The following ABCC4 variants were observed in gnomAD, a reference collection of about 807,000 sequenced individuals.
ABCC4 encodes the protein ATP binding cassette subfamily C member 4 (PEL blood group).
Under a neutral mutation model 168.5 loss-of-function variants are expected in ABCC4, and 102 were observed. The ratio of observed to expected loss-of-function variants is 0.61; its 90% confidence interval spans 0.52 to 0.71. ABCC4 has a LOEUF of 0.71. ABCC4 is among the 30% of genes least tolerant of loss of function. The pLI is 0.00. For missense variants in ABCC4, 1,402 were observed against 1,605.8 expected (o/e 0.87, Z 2.17); for synonymous variants, 617 against 590.7 (o/e 1.04, Z -0.65).
At chr13:95,229,794 T>C (rs908791019) in intron 4 of ABCC4, among the ~76,000 whole-genome samples, 1 of 152,132 alleles carries the variant, frequency 6.6e-6, no homozygotes, top group Non-Finnish European at 1.5e-5. Context: ...CAAGGGCAAA[T>C]GGGAGATCCA....
intron 20 of ABCC4, chr13:95,096,186 A>C (rs767716189): frequency 8.1e-4 from 527 of 647,420 alleles, no homozygotes; most frequent in Non-Finnish European, 1.3e-3. Context: ...ATCTCTATGA[A>C]AGAAAAAAAA....
At chr13:95,127,765 T>C (rs1189428) in intron 19 of ABCC4, among the ~76,000 whole-genome samples, 77,833 of 151,804 alleles carry the variant, frequency 0.51, 20,490 homozygotes, top group South Asian at 0.7. Flanking sequence ...TGTGCAATCA[T>C]TGACTTTCTT....
chr13:95,267,994 T>C (rs1339053551), intron 1 of ABCC4, among the ~76,000 whole-genome samples: 1 of 152,132 alleles, frequency 6.6e-6, no homozygotes, highest in East Asian at 1.9e-4. Flanking sequence ...TGGCTGGCAA[T>C]ACTCTGGGCA....
At chr13:95,234,225 CTA>C (rs1370875499) in intron 4 of ABCC4, among the ~76,000 whole-genome samples, 2 of 152,186 alleles carry the variant, frequency 1.3e-5, no homozygotes, top group Non-Finnish European at 2.9e-5. Flanking sequence ...ATAAATACAA[CTA>C]TGAGATTGAG....
chr13:95,088,070 G>C (rs538273143), intron 20 of ABCC4, among the ~76,000 whole-genome samples: 1 of 152,174 alleles, frequency 6.6e-6, no homozygotes, highest in East Asian at 1.9e-4. Flanking sequence ...GTTGGACTTC[G>C]GTTAGTGCTT....
At chr13:95,243,392 A>G (rs1302670430) in intron 3 of ABCC4, among the ~76,000 whole-genome samples, 1 of 152,238 alleles carries the variant, frequency 6.6e-6, no homozygotes, top group Non-Finnish European at 1.5e-5. Context: ...TTGATAAGTA[A>G]AAACAGGGAA....
intron 14 of ABCC4, among the ~76,000 whole-genome samples, chr13:95,166,826 A>G (rs2037288569): frequency 6.6e-6 from 1 of 152,196 alleles, no homozygotes. Flanking sequence ...CCTGCTGGAA[A>G]AAGGCGTGTG....
intron 11 of ABCC4, among the ~76,000 whole-genome samples, chr13:95,184,710 T>C (rs2038003489): frequency 6.6e-6 from 1 of 152,182 alleles, no homozygotes; most frequent in African/African-American, 2.4e-5. Flanking sequence ...TTCTAACCTG[T>C]CATAGAGAAA....
intron 30 of ABCC4, among the ~76,000 whole-genome samples, chr13:95,027,103 C>T (rs886133308): frequency 1.3e-5 from 2 of 152,038 alleles, no homozygotes; most frequent in African/African-American, 2.4e-5. Context: ...ATGTGCAGAA[C>T]GTGCAGGTTT....
intron 30 of ABCC4, among the ~76,000 whole-genome samples, chr13:95,026,463 G>A (rs1269973374): frequency 7.9e-5 from 12 of 151,848 alleles, no homozygotes; most frequent in Non-Finnish European, 1.0e-4. Flanking sequence ...GTAAAGAAGA[G>A]AATATAATCA....
chr13:95,208,602 GTATT>G (rs2038853555), intron 6 of ABCC4, among the ~76,000 whole-genome samples: 2 of 114,298 alleles, frequency 1.7e-5, no homozygotes, highest in African/African-American at 3.3e-5. Context: ...ATCAAAAGCT[GTATT>G]TCTTTTTTTT....
chr13:95,131,585 C>T (rs1226470520), intron 19 of ABCC4, among the ~76,000 whole-genome samples: 1 of 152,050 alleles, frequency 6.6e-6, no homozygotes, highest in African/African-American at 2.4e-5. Context: ...GCCGAGATCG[C>T]ACCACTGCAC....
At chr13:95,162,942 AACCTCTCTTCT>A (rs1294235154) in intron 18 of ABCC4, among the ~76,000 whole-genome samples, 169 bp downstream of exon 18, 4 of 152,242 alleles carry the variant, frequency 2.6e-5, no homozygotes, top group African/African-American at 9.6e-5. Context: ...GTCTTCAGTC[AACCTCTCTTCT>A]AGTAGATTTT....
chr13:95,161,276 G>A lies in ABCC4; in HGVS notation c.2368C>T (p.Leu790Phe), dbSNP rs2037090954. The change falls in exon 19 of 31, where the codon CTT becomes TTT. Residue 790 changes from leucine to phenylalanine, a missense_variant. By Grantham distance (22) the Leu-to-Phe change is conservative. Coordinates refer to ENST00000645237, the MANE Select transcript of ABCC4 (RefSeq NM_005845.5). ...IARSLLVFYVLVNSSQTLHNK... is the reference protein window; with the variant it reads ...IARSLLVFYVFVNSSQTLHNK... ...TGCAAAGTTTGTGAAGAGTTAACAA[G>A]GACGTAGAATACCAATAGAGATCTT... 5 of 1,609,940 alleles carry A rather than the reference G, an allele frequency of 3.1e-6. No individual in the cohort carries two copies. In the Middle Eastern group the frequency reaches 6.6e-4, roughly 213 times the overall value.
chr13:95,066,810 G>A (rs1389471552), intron 25 of ABCC4, among the ~76,000 whole-genome samples: 8 of 152,226 alleles, frequency 5.3e-5, no homozygotes, highest in African/African-American at 1.9e-4. Flanking sequence ...TTCCCTTGGT[G>A]TAGCTAGAAG....
intron 1 of ABCC4, among the ~76,000 whole-genome samples, chr13:95,253,034 T>C (rs1402740687): frequency 6.6e-6 from 1 of 152,218 alleles, no homozygotes; most frequent in Admixed American, 6.5e-5. Context: ...TAAATCTGAA[T>C]GCCTTTTATT....
At chr13:95,257,514 A>C (rs1362943108) in intron 1 of ABCC4, among the ~76,000 whole-genome samples, 1 of 152,116 alleles carries the variant, frequency 6.6e-6, no homozygotes, top group South Asian at 2.1e-4. Context: ...ATAAAAATAC[A>C]GAAAAATTAG....
At position 95,232,535 on chromosome 13, in the gene ABCC4, G is replaced by T. The variant is rs186591445; in HGVS notation, c.531+2075C>A. ...CTACTAAAAATACAAAAATTAGCTG[G>T]GTGTGGTGGCCCATGTCCATAATCC... On this transcript the variant is annotated intron_variant, in intron 4 of 30. Transcript: ENST00000645237. 4.9e-3 allele frequency among the ~76,000 whole-genome samples: 741 copies of T among 152,132 alleles called. 20 individuals are homozygous for T. Among genetic ancestry groups the T allele is most frequent in the Admixed American group, 0.042 (647 of 15,250 alleles).
intron 29 of ABCC4, among the ~76,000 whole-genome samples, chr13:95,035,805 T>G (rs563945444): frequency 2.4e-4 from 37 of 152,186 alleles, no homozygotes; most frequent in Non-Finnish European, 5.9e-5. Flanking sequence ...CACTTAGTTC[T>G]TCAGTTAGGC....
Sources: gnomAD v4.1 joint callset for allele counts (sites outside exome capture counted in the v4.1 genomes callset) on GRCh38, gnomAD v4.1.1 for gene constraint, MANE v1.5 for transcripts, NCBI Gene and HGNC (gene_info 2026-07-23, HGNC 2026-07-21) for gene names.